The following NKAIN3 variants were observed in gnomAD, a reference collection of about 807,000 sequenced individuals.
NKAIN3 encodes the protein sodium/potassium transporting ATPase interacting 3.
Under a neutral mutation model 30.2 loss-of-function variants are expected in NKAIN3, and 25 were observed. That is an observed-to-expected ratio of 0.83 (90% confidence interval 0.60 to 1.16). NKAIN3 has a LOEUF of 1.16. Among genes scored for constraint, NKAIN3 ranks in the 50% most tolerant of loss-of-function variants. The pLI, the probability that NKAIN3 is intolerant of heterozygous loss-of-function variation, is 0.00. For synonymous variants in NKAIN3, 91 were observed against 89.6 expected, an observed-to-expected ratio of 1.02 and a Z score of -0.09; for missense variants, 225 against 254.1, an observed-to-expected ratio of 0.89 and a Z score of 0.78.
At chr8:62,415,606 AGGTTCAGTTTTGCATTAAAG>A (rs1165218852) in intron 1 of NKAIN3, among the ~76,000 whole-genome samples, 1 of 151,324 alleles carries the variant, frequency 6.6e-6, no homozygotes, top group Admixed American at 6.6e-5. Context: ...GGATGATTTA[AGGTTCAGTTTTGCATTAAAG>A]CACTTGTTGA....
chr8:62,942,631 T>C (rs1823000748), intron 5 of NKAIN3, among the ~76,000 whole-genome samples: 2 of 151,956 alleles, frequency 1.3e-5, no homozygotes, highest in Admixed American at 1.3e-4. Context: ...CTTCAAACTA[T>C]GCTACAAGGC....
intron 4 of NKAIN3, among the ~76,000 whole-genome samples, chr8:62,876,086 G>A (rs1346089393): frequency 6.6e-6 from 1 of 152,100 alleles, no homozygotes; most frequent in Non-Finnish European, 1.5e-5. Context: ...CATCTGACAA[G>A]GGTGTAATAT....
chr8:62,853,778 T>C (rs931315616), intron 4 of NKAIN3, among the ~76,000 whole-genome samples: 2 of 152,214 alleles, frequency 1.3e-5, no homozygotes, highest in Non-Finnish European at 2.9e-5. Context: ...CTGGTTCTTT[T>C]AACTGTGATG....
At chr8:62,518,756 T>C (rs1808069149) in intron 1 of NKAIN3, among the ~76,000 whole-genome samples, 1 of 152,168 alleles carries the variant, frequency 6.6e-6, no homozygotes, top group South Asian at 2.1e-4. Flanking sequence ...CTTGAAATAG[T>C]TTGTCTGTGT....
At chr8:62,429,927 C>T (rs1804940913) in intron 1 of NKAIN3, among the ~76,000 whole-genome samples, 1 of 151,824 alleles carries the variant, frequency 6.6e-6, no homozygotes, top group Non-Finnish European at 1.5e-5. Context: ...CCACCATCAC[C>T]ACCATCCGTC....
chr8:62,319,899 G>C (rs900166509), intron 1 of NKAIN3, among the ~76,000 whole-genome samples: 1 of 152,032 alleles, frequency 6.6e-6, no homozygotes, highest in Non-Finnish European at 1.5e-5. Flanking sequence ...TTAACTTTCT[G>C]TCTCGTTGAT....
chr8:62,864,143 A>T, intron 4 of NKAIN3: 1 of 622,666 alleles, frequency 1.6e-6, no homozygotes, highest in Non-Finnish European at 2.8e-6. Flanking sequence ...CGAGCGCGGA[A>T]ACCAGCCGGG....
intron 1 of NKAIN3, among the ~76,000 whole-genome samples, chr8:62,398,443 A>C (rs929393115): frequency 2.2e-3 from 20 of 9,030 alleles, no homozygotes; most frequent in African/African-American, 3.5e-3. Context: ...AGCAAGTAAC[A>C]TGAAAACTAG....
intron 1 of NKAIN3, among the ~76,000 whole-genome samples, chr8:62,319,247 G>A (rs1420142619): frequency 2.0e-5 from 3 of 151,950 alleles, no homozygotes; most frequent in Admixed American, 2.0e-4. Context: ...TCTTGCTAGT[G>A]GTCTATCAAT....
At chr8:62,413,957 T>C (rs1056722840) in intron 1 of NKAIN3, among the ~76,000 whole-genome samples, 20 of 152,152 alleles carry the variant, frequency 1.3e-4, no homozygotes, top group African/African-American at 4.8e-4. Flanking sequence ...TAGGAACTTA[T>C]TTATACTATT....
intron 4 of NKAIN3, among the ~76,000 whole-genome samples, chr8:62,794,980 T>C (rs1161137483): frequency 5.3e-5 from 8 of 152,132 alleles, no homozygotes. Flanking sequence ...CAACTTATTG[T>C]GTACCTGTGT....
At chr8:62,263,428 A>G (rs1812506453) in intron 1 of NKAIN3, among the ~76,000 whole-genome samples, 1 of 152,156 alleles carries the variant, frequency 6.6e-6, no homozygotes, top group Non-Finnish European at 1.5e-5. Flanking sequence ...CCCAAAAGGA[A>G]AGGAAAAACA....
At chr8:62,710,988 T>C (rs1814696981) in intron 3 of NKAIN3, among the ~76,000 whole-genome samples, 1 of 152,216 alleles carries the variant, frequency 6.6e-6, no homozygotes, top group Non-Finnish European at 1.5e-5. Flanking sequence ...CTTTCCTTCA[T>C]ATAGGATGCT....
In NKAIN3 at chr8:62,696,408, T is replaced by A. The variant is rs140317145; in HGVS notation, c.274-50524T>A. On this transcript the variant is annotated intron_variant, in intron 3 of 6. Transcript: ENST00000623646. ...GGCAACATGCACCATCTTGCTGAGTTAAAATCCTAGTAAGGATTGGATTAA... is the reference window on the plus strand; with the variant it reads ...GGCAACATGCACCATCTTGCTGAGTAAAAATCCTAGTAAGGATTGGATTAA... 2.6e-3 allele frequency among the ~76,000 whole-genome samples: 389 copies of A among 152,284 alleles called. 1 individual carries two copies. Among genetic ancestry groups the A allele is most frequent in the Admixed American group, 5.6e-3 (85 of 15,278 alleles).
At chr8:62,303,833 T>G (rs1304650027) in intron 1 of NKAIN3, among the ~76,000 whole-genome samples, 1 of 150,732 alleles carries the variant, frequency 6.6e-6, no homozygotes, top group African/African-American at 2.5e-5. Flanking sequence ...ACTGTAAGAT[T>G]ATTTATTAAT....
intron 3 of NKAIN3, among the ~76,000 whole-genome samples, chr8:62,635,803 A>G (rs1812109031): frequency 6.6e-6 from 1 of 152,166 alleles, no homozygotes; most frequent in Non-Finnish European, 1.5e-5. Context: ...CCACCAGACC[A>G]TGGTATTTTG....
In NKAIN3 at chr8:62,316,600, A is replaced by G. The variant is rs1285308618; in HGVS notation, c.54+67473A>G. On this transcript the variant is annotated intron_variant, in intron 1 of 6. Transcript: ENST00000623646. ...AGCTTCATCCCTATCTCTACAAAGG[A>G]TATGAACTCATCATTTTTTATGGCT... 2.0e-5 allele frequency among the ~76,000 whole-genome samples: 3 copies of G among 152,152 alleles called. No homozygotes were observed. The South Asian group carries it at 6.2e-4, about 32-fold the overall frequency.
intron 4 of NKAIN3, among the ~76,000 whole-genome samples, chr8:62,814,338 G>A (rs1478795825): frequency 1.3e-5 from 2 of 149,384 alleles, no homozygotes; most frequent in South Asian, 2.1e-4. Context: ...TTCTTTTAAT[G>A]TTCTATTTCT....
chr8:62,750,156 C>T (rs1206299160), intron 4 of NKAIN3, among the ~76,000 whole-genome samples: 1 of 151,992 alleles, frequency 6.6e-6, no homozygotes, highest in Non-Finnish European at 1.5e-5. Flanking sequence ...AGGGCAGGGG[C>T]TCGGCGGCTC....
Sources: allele counts gnomAD v4.1 joint callset (sites outside exome capture counted in the v4.1 genomes callset), GRCh38; gene constraint gnomAD v4.1.1; transcripts MANE v1.5; gene names NCBI Gene and HGNC (gene_info 2026-07-23, HGNC 2026-07-21).